The following GALNTL6 variants were observed in gnomAD, a reference collection of about 807,000 sequenced individuals.
GALNTL6 encodes the protein polypeptide N-acetylgalactosaminyltransferase like 6, also known as polypeptide N-acetylgalactosaminyltransferase-like 6.
Under a neutral mutation model 73.7 loss-of-function variants are expected in GALNTL6, and 46 were observed. The observed-to-expected ratio is 0.62, with a 90% CI of 0.49 to 0.80. The LOEUF (loss-of-function observed/expected upper bound fraction) is 0.80, where lower values mean the gene tolerates loss of function less well. Among genes scored for constraint, GALNTL6 ranks in the 30% least tolerant of loss-of-function variants. The probability of loss-of-function intolerance (pLI) is 0.00; values close to 1 mark genes in which losing one functional copy is unlikely to be tolerated. For missense variants in GALNTL6, 604 were observed against 755.0 expected (o/e 0.80, Z 2.34); for synonymous variants, 259 against 263.7 (o/e 0.98, Z 0.17).
intron 5 of GALNTL6, among the ~76,000 whole-genome samples, chr4:172,546,780 C>T (rs1034774338): frequency 8.3e-3 from 6 of 722 alleles, no homozygotes; most frequent in Admixed American, 0.026. Flanking sequence ...TTTTCAACTC[C>T]GCTTTATATA....
chr4:172,390,446 A>G (rs1743623720), intron 5 of GALNTL6, among the ~76,000 whole-genome samples: 1 of 152,216 alleles, frequency 6.6e-6, no homozygotes, highest in Non-Finnish European at 1.5e-5. Context: ...TAAACAATTG[A>G]TAAGTTTTAA....
intron 5 of GALNTL6, among the ~76,000 whole-genome samples, chr4:172,731,729 G>C (rs1473589937): frequency 6.6e-6 from 1 of 151,912 alleles, no homozygotes; most frequent in Non-Finnish European, 1.5e-5. Flanking sequence ...ATTCCATAGA[G>C]TTTGGCATTT....
At chr4:172,894,680 T>G (rs1251503885) in intron 8 of GALNTL6, among the ~76,000 whole-genome samples, 1 of 152,160 alleles carries the variant, frequency 6.6e-6, no homozygotes, top group Non-Finnish European at 1.5e-5. Context: ...TCTGTAAATG[T>G]CTGTTAGGTC....
intron 8 of GALNTL6, among the ~76,000 whole-genome samples, chr4:172,887,540 A>ATTTAT (rs775046212): frequency 1.2e-5 from 1 of 82,830 alleles, no homozygotes; most frequent in African/African-American, 6.2e-5. Context: ...TTAACCTTTT[A>ATTTAT]TTTATTTATT....
At chr4:171,926,282 T>C (rs548287784) in intron 2 of GALNTL6, among the ~76,000 whole-genome samples, 2 of 152,282 alleles carry the variant, frequency 1.3e-5, no homozygotes, top group East Asian at 1.9e-4. Flanking sequence ...GATGTGCTTG[T>C]TATTTGGCAA....
intron 2 of GALNTL6, among the ~76,000 whole-genome samples, chr4:172,030,677 T>A (rs951784070): frequency 6.6e-6 from 1 of 152,036 alleles, no homozygotes; most frequent in African/African-American, 2.4e-5. Flanking sequence ...ACCACTGTAC[T>A]CTAGCCTGGG....
intron 2 of GALNTL6, among the ~76,000 whole-genome samples, chr4:171,833,383 C>T (rs1369911895): frequency 2.6e-5 from 4 of 151,428 alleles, no homozygotes; most frequent in African/African-American, 9.7e-5. Context: ...TTATGTTTAG[C>T]CAGAAGTTTT....
At chr4:172,736,766 CA>C (rs1356083567) in intron 5 of GALNTL6, among the ~76,000 whole-genome samples, 1 of 152,162 alleles carries the variant, frequency 6.6e-6, no homozygotes, top group African/African-American at 2.4e-5. Context: ...GAAATCTTCA[CA>C]ATTTATGTTC....
At chr4:172,152,276 G>A (rs1178295139) in intron 2 of GALNTL6, among the ~76,000 whole-genome samples, 2 of 152,168 alleles carry the variant, frequency 1.3e-5, no homozygotes, top group South Asian at 2.1e-4. Flanking sequence ...CACTGCACTC[G>A]GACCATTTCC....
intron 5 of GALNTL6, among the ~76,000 whole-genome samples, chr4:172,377,941 C>A (rs1172343707): frequency 2.0e-5 from 3 of 151,558 alleles, no homozygotes; most frequent in African/African-American, 4.9e-5. Flanking sequence ...TCCCCACAAG[C>A]AGAGGGAGCT....
chr4:172,208,158 C>T (rs1298230871), intron 2 of GALNTL6, among the ~76,000 whole-genome samples: 3 of 152,204 alleles, frequency 2.0e-5, no homozygotes, highest in African/African-American at 7.2e-5. Context: ...GTGACCTGTA[C>T]ATGCTGGAAG....
chr4:172,166,127 A>G (rs1299341799), intron 2 of GALNTL6, among the ~76,000 whole-genome samples: 2 of 152,194 alleles, frequency 1.3e-5, no homozygotes, highest in African/African-American at 4.8e-5. Context: ...AAAATAGAGG[A>G]TTATGGTAAA....
intron 2 of GALNTL6, among the ~76,000 whole-genome samples, chr4:172,144,002 C>T (rs530877440): frequency 1.0e-3 from 157 of 152,242 alleles, no homozygotes; most frequent in African/African-American, 3.7e-3. Flanking sequence ...ATAACCAGAA[C>T]AACTCTGACC....
At chr4:172,319,581 A>G (rs1050411371) in intron 4 of GALNTL6, among the ~76,000 whole-genome samples, 2 of 152,200 alleles carry the variant, frequency 1.3e-5, no homozygotes, top group Admixed American at 6.5e-5. Flanking sequence ...ATTTTAAATC[A>G]TTATCTTAAA....
At chr4:172,361,464 A>C (rs1742366986) in intron 5 of GALNTL6, among the ~76,000 whole-genome samples, 1 of 152,124 alleles carries the variant, frequency 6.6e-6, no homozygotes, top group Non-Finnish European at 1.5e-5. Flanking sequence ...AAACAAAACA[A>C]CAACAACAAA....
At chr4:172,286,284 C>T (rs774355461) in intron 3 of GALNTL6, among the ~76,000 whole-genome samples, 11 of 152,006 alleles carry the variant, frequency 7.2e-5, no homozygotes, top group South Asian at 2.1e-4. Context: ...AAGCATCAGC[C>T]GGGTGCTACA....
At chr4:172,381,058 G>T (rs1256409524) in intron 5 of GALNTL6, among the ~76,000 whole-genome samples, 1 of 152,150 alleles carries the variant, frequency 6.6e-6, no homozygotes, top group Non-Finnish European at 1.5e-5. Flanking sequence ...ATGAATTCCT[G>T]CAATTTGCTG....
At chr4:173,027,167 A>G (rs1396248865) in intron 12 of GALNTL6, among the ~76,000 whole-genome samples, 1 of 152,106 alleles carries the variant, frequency 6.6e-6, no homozygotes, top group Non-Finnish European at 1.5e-5. Flanking sequence ...TATTTTTAGT[A>G]GAGACGGGGT....
chr4:172,069,556 T>TTATATATATTA (rs1362016864), intron 2 of GALNTL6, among the ~76,000 whole-genome samples: 1 of 74,534 alleles, frequency 1.3e-5, no homozygotes, highest in Non-Finnish European at 2.8e-5. Flanking sequence ...CACATATATG[T>TTATATATATTA]TATATATAAC....
Sources: gnomAD v4.1 joint callset for allele counts (sites outside exome capture counted in the v4.1 genomes callset) on GRCh38, gnomAD v4.1.1 for gene constraint, MANE v1.5 for transcripts, NCBI Gene and HGNC (gene_info 2026-07-23, HGNC 2026-07-21) for gene names.